Variants in NUMB observed in about 807,000 individuals in gnomAD.
NUMB encodes NUMB endocytic adaptor protein.
Under a neutral mutation model 59.7 loss-of-function variants are expected in NUMB, and 29 were observed. The observed-to-expected ratio is 0.49, with a 90% CI of 0.36 to 0.66. The LOEUF is 0.66. Among genes scored for constraint, NUMB ranks in the 30% least tolerant of loss-of-function variants. The probability of loss-of-function intolerance (pLI) is 0.00; values close to 1 mark genes in which losing one functional copy is unlikely to be tolerated. For missense variants in NUMB, 723 were observed against 822.0 expected (o/e 0.88, Z 1.47); for synonymous variants, 288 against 288.2 (o/e 1.00, Z 0.01).
intron 1 of NUMB, among the ~76,000 whole-genome samples, chr14:73,430,395 C>T (rs765522500): frequency 4.1e-4 from 62 of 151,868 alleles, no homozygotes; most frequent in Non-Finnish European, 6.3e-4. Flanking sequence ...TTTGGGAGGC[C>T]GAGGCAGGAA....
intron 1 of NUMB, among the ~76,000 whole-genome samples, chr14:73,454,148 T>C (rs1884189213): frequency 6.6e-6 from 1 of 151,648 alleles, no homozygotes; most frequent in African/African-American, 2.4e-5. Flanking sequence ...AACCTCAGCA[T>C]CACACAATAT....
At chr14:73,342,792 C>T (rs1320728334) in intron 4 of NUMB, among the ~76,000 whole-genome samples, 1 of 152,146 alleles carries the variant, frequency 6.6e-6, no homozygotes, top group African/African-American at 2.4e-5. Context: ...CACTTGCACA[C>T]AGCTAATAAG....
At chr14:73,299,818 CTG>C (rs1890028532) in intron 6 of NUMB, among the ~76,000 whole-genome samples, 1 of 151,970 alleles carries the variant, frequency 6.6e-6, no homozygotes, top group Non-Finnish European at 1.5e-5. Context: ...CAAGGGAAGT[CTG>C]TAAGAATTGT....
intron 3 of NUMB, among the ~76,000 whole-genome samples, chr14:73,356,247 T>G (rs1214974649): frequency 6.6e-6 from 1 of 152,228 alleles, no homozygotes; most frequent in Non-Finnish European, 1.5e-5. Context: ...CACTAAAATT[T>G]AGGAATCTTT....
intron 2 of NUMB, among the ~76,000 whole-genome samples, chr14:73,389,098 T>TA (rs71112747): frequency 1.5e-3 from 145 of 95,744 alleles, no homozygotes; most frequent in East Asian, 4.1e-3. Flanking sequence ...GACTCTGCCT[T>TA]AAAAAAAAAA....
chr14:73,315,700 A>G (rs74061101), intron 6 of NUMB, among the ~76,000 whole-genome samples: 9,808 of 152,138 alleles, frequency 0.064, 784 homozygotes, highest in African/African-American at 0.18. Context: ...ACTTTGGGGT[A>G]TATTTATTTT....
At chr14:73,430,366 A>G (rs1458012902) in intron 1 of NUMB, among the ~76,000 whole-genome samples, 1 of 152,150 alleles carries the variant, frequency 6.6e-6, no homozygotes, top group African/African-American at 2.4e-5. Flanking sequence ...GCAGTAGCTC[A>G]CACCTGTAAT....
chr14:73,444,196 GA>G (rs1489151801), intron 1 of NUMB, among the ~76,000 whole-genome samples: 2 of 152,088 alleles, frequency 1.3e-5, no homozygotes, highest in African/African-American at 4.8e-5. Context: ...TCAGGAGATC[GA>G]GACCACCCTG....
chr14:73,360,183 A>T (rs1894032149), intron 3 of NUMB, among the ~76,000 whole-genome samples: 2 of 152,252 alleles, frequency 1.3e-5, no homozygotes, highest in African/African-American at 4.8e-5. Flanking sequence ...AGTATGGCAT[A>T]ATAATTCACA....
rs75866011 is a variant in NUMB, at chr14:73,335,740, C to T, written c.127-12536G>A. The stretch of plus-strand genomic sequence containing the variant: ...TATCCATCACAAGAAATGCAGACCT[C>T]TGATGTGAGAGACTCTATAGTCAGC... On this transcript the variant is annotated intron_variant, in intron 4 of 12. Coordinates refer to ENST00000555238, the MANE Select transcript of NUMB (RefSeq NM_001005743.2). Among the ~76,000 whole-genome samples, 245 of 152,320 alleles carry T rather than the reference C, an allele frequency of 1.6e-3. 1 individual carries two copies. The highest frequency in any genetic ancestry group is 5.7e-3 in the African/African-American group (236 of 41,578).
intron 1 of NUMB, among the ~76,000 whole-genome samples, chr14:73,436,074 T>C (rs1318889680): frequency 6.6e-6 from 1 of 152,068 alleles, no homozygotes; most frequent in African/African-American, 2.4e-5. Context: ...AGTATATTCA[T>C]AAAATGACAT....
intron 1 of NUMB, among the ~76,000 whole-genome samples, chr14:73,441,994 A>G (rs1002079160): frequency 5.3e-5 from 8 of 152,088 alleles, no homozygotes; most frequent in African/African-American, 1.7e-4. Flanking sequence ...CTGCTTTAGA[A>G]AACCTCAAAA....
intron 1 of NUMB, among the ~76,000 whole-genome samples, chr14:73,456,087 G>T (rs1884348729): frequency 6.6e-6 from 1 of 151,360 alleles, no homozygotes; most frequent in South Asian, 2.1e-4. Context: ...GAAATTTAAT[G>T]GAATATAATA....
At chr14:73,413,582 A>C (rs1207966511) in intron 1 of NUMB, among the ~76,000 whole-genome samples, 5 of 151,564 alleles carry the variant, frequency 3.3e-5, no homozygotes, top group African/African-American at 1.2e-4. Context: ...ACATGGTAAG[A>C]CCTCGTCTCT....
chr14:73,436,530 G>A (rs1422019632), intron 1 of NUMB, among the ~76,000 whole-genome samples: 1 of 152,044 alleles, frequency 6.6e-6, no homozygotes, highest in East Asian at 1.9e-4. Flanking sequence ...ATGTTGGCCA[G>A]GCTCGTCTTG....
chr14:73,418,957 A>C (rs74061113), intron 1 of NUMB, among the ~76,000 whole-genome samples: 1 of 152,054 alleles, frequency 6.6e-6, no homozygotes, highest in Non-Finnish European at 1.5e-5. Flanking sequence ...GAATAGGACC[A>C]AAGAGTCACC....
intron 1 of NUMB, among the ~76,000 whole-genome samples, chr14:73,416,845 C>T (rs528712118): frequency 5.9e-5 from 9 of 151,908 alleles, no homozygotes; most frequent in South Asian, 2.1e-4. Context: ...CAGCAAAGGC[C>T]GGCCCTAAAT....
chr14:73,382,786 C>G (rs927835367), intron 2 of NUMB, among the ~76,000 whole-genome samples: 7 of 151,992 alleles, frequency 4.6e-5, no homozygotes, highest in Non-Finnish European at 1.0e-4. Context: ...TTTAAAATGA[C>G]CAGGAATGCT....
In NUMB at chr14:73,284,355, G is replaced by A. The variant is rs1369772648; in HGVS notation, c.675C>T (p.Val225=). 3 of 1,613,552 alleles carry A rather than the reference G, an allele frequency of 1.9e-6. No individual in the cohort carries two copies. Among genetic ancestry groups the A allele is most frequent in the Non-Finnish European group, 2.5e-6 (3 of 1,179,608 alleles). ...DAKKAETDKI[V]VGSSVAPGNT... is the part of the protein sequence containing the mutation. ...TGCCAGGGGCAACTGATGAACCAAC[G>A]ACTATCTTATCTGTTTCAGCTCAAG... The change falls in exon 10 of 13, where the codon GTC becomes GTT. Residue 225 remains valine, a synonymous_variant. Coordinates refer to ENST00000555238, the MANE Select transcript of NUMB (RefSeq NM_001005743.2).
Sources: gnomAD v4.1 joint callset for allele counts (sites outside exome capture counted in the v4.1 genomes callset) on GRCh38, gnomAD v4.1.1 for gene constraint, MANE v1.5 for transcripts, NCBI Gene and HGNC (gene_info 2026-07-23, HGNC 2026-07-21) for gene names.